Variants in FUT8 observed in about 807,000 individuals in gnomAD.
The protein encoded by FUT8 is alpha-(1,6)-fucosyltransferase.
In FUT8, 29 loss-of-function variants were observed where a neutral mutation model predicts 71.3. The ratio of observed to expected loss-of-function variants is 0.41; its 90% confidence interval spans 0.30 to 0.55. The LOEUF is 0.55. Ranked by LOEUF, FUT8 falls within the 20% of genes least tolerant of loss-of-function variation. FUT8 has a pLI of 0.34. For missense variants in FUT8, 544 were observed against 702.1 expected (o/e 0.77, Z 2.55); for synonymous variants, 254 against 239.3 (o/e 1.06, Z -0.57).
intron 6 of FUT8, among the ~76,000 whole-genome samples, chr14:65,634,466 C>G (rs1433593514): frequency 1.3e-5 from 2 of 151,326 alleles, no homozygotes; most frequent in Non-Finnish European, 2.9e-5. Flanking sequence ...AACCAGAGAC[C>G]TTTGTTCACT....
chr14:65,634,575 A>G (rs1446011071), intron 6 of FUT8, among the ~76,000 whole-genome samples: 1 of 151,376 alleles, frequency 6.6e-6, no homozygotes, highest in East Asian at 1.9e-4. Context: ...AAAAAAAAAA[A>G]AAAAAAGAAA....
chr14:65,385,470 T>C, the FUT8 span, among the ~76,000 whole-genome samples: 1 of 152,176 alleles, frequency 6.6e-6, no homozygotes, highest in African/African-American at 2.4e-5. Context: ...ATGCTCCTAT[T>C]CTTTATAAAT....
At chr14:65,535,802 GC>G (rs1487890376) in intron 2 of FUT8, among the ~76,000 whole-genome samples, 1 of 152,010 alleles carries the variant, frequency 6.6e-6, no homozygotes, top group Non-Finnish European at 1.5e-5. Flanking sequence ...GATCTATTTG[GC>G]CCAGTGTTGA....
At chr14:65,389,022 G>GA in the FUT8 span, among the ~76,000 whole-genome samples, 1 of 150,594 alleles carries the variant, frequency 6.6e-6, no homozygotes, top group African/African-American at 2.4e-5. Context: ...ATATATTTGA[G>GA]ACAGGGGCTT....
At chr14:65,709,053 T>A (rs1478470891) in intron 7 of FUT8, among the ~76,000 whole-genome samples, 1 of 152,208 alleles carries the variant, frequency 6.6e-6, no homozygotes, top group African/African-American at 2.4e-5. Flanking sequence ...GGTATGTTAA[T>A]TAGCTTGATG....
chr14:65,709,313 A>G (rs1179506867), intron 7 of FUT8, among the ~76,000 whole-genome samples: 1 of 152,200 alleles, frequency 6.6e-6, no homozygotes, highest in African/African-American at 2.4e-5. Flanking sequence ...GAAAGTTTGA[A>G]TAAACCTTTG....
chr14:65,454,448 G>A (rs966279203), intron 1 of FUT8, among the ~76,000 whole-genome samples: 1 of 152,066 alleles, frequency 6.6e-6, no homozygotes, highest in Non-Finnish European at 1.5e-5. Flanking sequence ...GCAACATAGC[G>A]AGACCCAGTC....
intron 10 of FUT8, among the ~76,000 whole-genome samples, chr14:65,738,407 C>A (rs1355081270): frequency 6.6e-6 from 1 of 151,928 alleles, no homozygotes; most frequent in Non-Finnish European, 1.5e-5. Flanking sequence ...CTAATGGATT[C>A]CTCCCCCTTT....
chr14:65,429,909 C>T (rs2065446020), intron 1 of FUT8, among the ~76,000 whole-genome samples: 1 of 146,408 alleles, frequency 6.8e-6, no homozygotes. Flanking sequence ...GACTTTAAAG[C>T]AGCTACAAAA....
At chr14:65,705,872 C>G (rs1417906784) in intron 7 of FUT8, among the ~76,000 whole-genome samples, 1 of 152,132 alleles carries the variant, frequency 6.6e-6, no homozygotes, top group Non-Finnish European at 1.5e-5. Context: ...TGGTAAACAG[C>G]ATGAATTAGA....
At chr14:65,576,860 T>C (rs1409216674) in intron 3 of FUT8, among the ~76,000 whole-genome samples, 1 of 151,690 alleles carries the variant, frequency 6.6e-6, no homozygotes, top group Non-Finnish European at 1.5e-5. Flanking sequence ...GCTGGGATTA[T>C]AGGCACGCGT....
At position 65,439,991 on chromosome 14, in the gene FUT8, T is replaced by TATATATATATATATAC. The variant is rs1491251493; in HGVS notation, c.-325-15630_-325-15629insATATATATATATATAC. Among the ~76,000 whole-genome samples, 54 of 134,242 alleles carry TATATATATATATATAC rather than the reference T, an allele frequency of 4.0e-4. 2 individuals carry two copies. Among genetic ancestry groups the TATATATATATATATAC allele is most frequent in the South Asian group, 4.7e-4 (2 of 4,224 alleles). The allele number at this position is 134,242 out of a possible 152,430, so 88.1% of individuals were successfully genotyped here. On this transcript the variant is annotated intron_variant, in intron 1 of 10. Coordinates refer to ENST00000673929, the MANE Select transcript of FUT8 (RefSeq NM_001371533.1). ...ATATATATATATATATATATATATA[T>TATATATATATATATAC]GTACACACACACAGTGGAATACTGT...
chr14:65,468,906 T>C (rs1259115955), intron 2 of FUT8, among the ~76,000 whole-genome samples: 1 of 151,972 alleles, frequency 6.6e-6, no homozygotes, highest in Non-Finnish European at 1.5e-5. Context: ...CAAGTGATTC[T>C]CCCTCCTCAG....
At chr14:65,673,379 G>A (rs190930597) in intron 7 of FUT8, among the ~76,000 whole-genome samples, 70 of 152,336 alleles carry the variant, frequency 4.6e-4, no homozygotes, top group African/African-American at 1.5e-3. Context: ...AGTCTCTTTC[G>A]TGTAAAGGGC....
the FUT8 span, among the ~76,000 whole-genome samples, chr14:65,380,110 C>T: frequency 6.6e-6 from 1 of 152,150 alleles, no homozygotes; most frequent in Non-Finnish European, 1.5e-5. Context: ...ATACACGAGA[C>T]TGGGAAGAAA....
At chr14:65,439,986 ATATATG>A (rs1276438857) in intron 1 of FUT8, among the ~76,000 whole-genome samples, 5 of 139,562 alleles carry the variant, frequency 3.6e-5, no homozygotes, top group East Asian at 2.1e-4. Context: ...ATATATATAT[ATATATG>A]TACACACACA....
chr14:65,626,193 A>G (rs1290309917), intron 5 of FUT8, among the ~76,000 whole-genome samples: 1 of 151,920 alleles, frequency 6.6e-6, no homozygotes, highest in Non-Finnish European at 1.5e-5. Flanking sequence ...GTAAAAGCTC[A>G]GAAACAACTC....
intron 1 of FUT8, among the ~76,000 whole-genome samples, chr14:65,449,576 C>T (rs2139528133): frequency 6.6e-6 from 1 of 152,316 alleles, no homozygotes; most frequent in African/African-American, 2.4e-5. Flanking sequence ...TTTCATCCTT[C>T]TTGTGTTTTC....
intron 2 of FUT8, among the ~76,000 whole-genome samples, chr14:65,536,747 G>C (rs1217334536): frequency 6.6e-6 from 1 of 152,016 alleles, no homozygotes; most frequent in Non-Finnish European, 1.5e-5. Flanking sequence ...TAATCTTCTT[G>C]TAAAGTATTT....
Sources: allele counts gnomAD v4.1 joint callset (sites outside exome capture counted in the v4.1 genomes callset), GRCh38; gene constraint gnomAD v4.1.1; transcripts MANE v1.5; gene names NCBI Gene and HGNC (gene_info 2026-07-23, HGNC 2026-07-21).